Variants in ZAN observed in about 807,000 individuals in gnomAD.
The protein encoded by ZAN is zonadhesin (gene/pseudogene).
In ZAN, 260 loss-of-function variants were observed where a neutral mutation model predicts 286.2. The observed-to-expected ratio is 0.91, with a 90% CI of 0.82 to 1.01. The LOEUF (loss-of-function observed/expected upper bound fraction) is 1.01. Among genes scored for constraint, ZAN ranks in the 50% least tolerant of loss-of-function variants. The pLI is 0.00. For synonymous variants in ZAN, 1,368 were observed against 1,417.5 expected, an observed-to-expected ratio of 0.97 and a Z score of 0.79; for missense variants, 3,410 against 3,639.2, an observed-to-expected ratio of 0.94 and a Z score of 1.62.
intron 40 of ZAN, 137 bp downstream of exon 40, chr7:100,791,250 G>A (rs573227810): frequency 4.8e-5 from 56 of 1,176,174 alleles, no homozygotes; most frequent in Admixed American, 7.7e-5. Flanking sequence ...TCCCAATTCC[G>A]TCATTCCCTC....
At position 100,750,907 on chromosome 7, in the gene ZAN, G is replaced by T; in HGVS notation, c.1521+11G>T. On this transcript the variant is annotated intron_variant, in intron 12 of 47. Transcript: ENST00000613979. ...CAACAGCCCATGCAGGTGAGAGACG[G>T]AGGCGGGGGTCCTGTCTGTGTGAGG... 1 of 1,532,242 alleles carries T rather than the reference G, an allele frequency of 6.5e-7. No individual in the cohort carries two copies. The highest frequency in any genetic ancestry group is 8.8e-7 in the Non-Finnish European group (1 of 1,138,518). 94.9% of individuals were successfully genotyped at this position (1,532,242 alleles called of 1,614,324 possible). A position where few individuals can be genotyped will look rare whatever the true frequency, so the allele number is the denominator to read the frequency against.
At chr7:100,751,686 C>G (rs770592551) in intron 13 of ZAN, 26 bp from the exon 14 acceptor site, 3 of 1,559,510 alleles carry the variant, frequency 1.9e-6, no homozygotes, top group Non-Finnish European at 2.6e-6. Context: ...TGACTAAACT[C>G]CAGGGATTCT....
chr7:100,778,919 G>C (rs1811002212), intron 34 of ZAN, among the ~76,000 whole-genome samples: 1 of 151,984 alleles, frequency 6.6e-6, no homozygotes, highest in South Asian at 2.1e-4. Flanking sequence ...TGTAATCCCA[G>C]CTACTCAAAA....
At chr7:100,768,838 T>A in intron 27 of ZAN, 117 bp downstream of exon 27, 1 of 815,590 alleles carries the variant, frequency 1.2e-6, no homozygotes, top group East Asian at 2.8e-5. Context: ...ACCTCCCAAC[T>A]GGCAGGAAAC....
At chr7:100,756,034 C>T (rs951977934) in intron 15 of ZAN, among the ~76,000 whole-genome samples, 6 of 152,084 alleles carry the variant, frequency 3.9e-5, no homozygotes, top group Non-Finnish European at 7.4e-5. Context: ...GGATAACAGG[C>T]TCACGCCACC....
chr7:100,776,641 C>T, intron 34 of ZAN, 77 bp downstream of exon 34: 5 of 1,177,942 alleles, frequency 4.2e-6, no homozygotes, highest in Non-Finnish European at 4.5e-6. Flanking sequence ...CTTCCCTTCC[C>T]TTCCCTCCCC....
At chr7:100,766,418 A>T (rs1373417590) in intron 23 of ZAN, 107 bp from the exon 24 acceptor site, 2 of 1,343,402 alleles carry the variant, frequency 1.5e-6, no homozygotes, top group Non-Finnish European at 2.0e-6. Flanking sequence ...CCCCACTATT[A>T]AGCCAGTGAT....
chr7:100,779,609 C>CACAGA lies in ZAN; in HGVS notation c.6481_6482insACAGA (p.Pro2161HisfsTer98). 1 of 1,605,576 alleles carries CACAGA rather than the reference C, an allele frequency of 6.2e-7. No homozygotes were observed. The highest frequency in any genetic ancestry group is 1.1e-5 in the South Asian group (1 of 89,472). On this transcript the variant is annotated frameshift_variant, in exon 35 of 48. Coordinates refer to ENST00000613979, the MANE Select transcript of ZAN (RefSeq NM_003386.3). LOFTEE classifies it high-confidence loss of function. ...GTGCGCCTCCCGCATAGACCTCACG[C>CACAGA]CCTTCCTGGTGGACTGTGCAAACAC...
intron 41 of ZAN, 78 bp downstream of exon 41, chr7:100,792,226 C>T: frequency 6.6e-7 from 1 of 1,504,158 alleles, no homozygotes; most frequent in Non-Finnish European, 8.9e-7. Flanking sequence ...CTGCCCGCTT[C>T]CTGACCCAAG....
chr7:100,789,387 C>A lies in ZAN; in HGVS notation c.7357+40C>A, dbSNP rs974427569. ...GGAAAGAAGAGCAAAAGGGCCATTTCTGGGAAGTGGGAGGGAAAATCCTAT... is the reference window on the plus strand; with the variant it reads ...GGAAAGAAGAGCAAAAGGGCCATTTATGGGAAGTGGGAGGGAAAATCCTAT... On this transcript the variant is annotated intron_variant, in intron 39 of 47. Transcript: ENST00000613979. 8.7e-6 allele frequency: 14 copies of A among 1,602,924 alleles called. No homozygotes were observed. In the Middle Eastern group the frequency reaches 1.8e-3, roughly 210 times the overall value.
chr7:100,789,884 G>A (rs1811822970), intron 39 of ZAN, among the ~76,000 whole-genome samples: 1 of 152,096 alleles, frequency 6.6e-6, no homozygotes, highest in South Asian at 2.1e-4. Context: ...GGCGGAGGTT[G>A]CAGTGAGCTG....
intron 28 of ZAN, 81 bp from the exon 29 acceptor site, chr7:100,771,762 TC>T: frequency 7.0e-7 from 1 of 1,436,560 alleles, no homozygotes; most frequent in Non-Finnish European, 9.4e-7. Context: ...GAAGTGGATG[TC>T]GAATCAGCCC....
chr7:100,754,841 C>T (rs1403118965), intron 14 of ZAN, among the ~76,000 whole-genome samples: 1 of 151,826 alleles, frequency 6.6e-6, no homozygotes, highest in Non-Finnish European at 1.5e-5. Context: ...AGGGTTTCGC[C>T]CTGTTAGCCA....
chr7:100,772,105 T>C, intron 29 of ZAN, 85 bp downstream of exon 29: 2 of 1,414,158 alleles, frequency 1.4e-6, no homozygotes, highest in Non-Finnish European at 1.8e-6. Context: ...TTCTTTTTTT[T>C]TTTTTTGAGA....
intron 44 of ZAN, 84 bp downstream of exon 44, chr7:100,794,342 A>G (rs1812210542): frequency 1.3e-6 from 2 of 1,509,782 alleles, no homozygotes; most frequent in East Asian, 4.6e-5. Context: ...CCTTGTCCTC[A>G]GGACTCTTCC....
At chr7:100,762,417 CT>C (rs376857838) in intron 20 of ZAN, 59 bp downstream of exon 20, 1 of 1,063,528 alleles carries the variant, frequency 9.4e-7, no homozygotes, top group Non-Finnish European at 1.2e-6. Context: ...TCCTGGAACT[CT>C]CTTTTTTTTT....
chr7:100,775,008 A>C (rs529174176), intron 31 of ZAN, among the ~76,000 whole-genome samples: 1 of 151,734 alleles, frequency 6.6e-6, no homozygotes, highest in African/African-American at 2.4e-5. Context: ...GCTCACTGCA[A>C]CCTCCATCTC....
intron 35 of ZAN, among the ~76,000 whole-genome samples, chr7:100,781,371 A>G (rs1811184786): frequency 6.6e-6 from 1 of 152,118 alleles, no homozygotes; most frequent in South Asian, 2.1e-4. Flanking sequence ...CGGCCAAGAA[A>G]GTTTATTTTT....
chr7:100,767,305 T>G, intron 25 of ZAN, 48 bp downstream of exon 25: 3 of 1,573,404 alleles, frequency 1.9e-6, no homozygotes, highest in Non-Finnish European at 2.6e-6. Flanking sequence ...CCAGCCTGCT[T>G]GCTTCTCTCC....
Sources: allele counts gnomAD v4.1 joint callset (sites outside exome capture counted in the v4.1 genomes callset), GRCh38; gene constraint gnomAD v4.1.1; transcripts MANE v1.5; gene names NCBI Gene and HGNC (gene_info 2026-07-23, HGNC 2026-07-21).